Variants in CDT1 observed in about 807,000 individuals in gnomAD.
The protein encoded by CDT1 is chromatin licensing and DNA replication factor 1.
Under a neutral mutation model 49.3 loss-of-function variants are expected in CDT1, and 66 were observed. The ratio of observed to expected loss-of-function variants is 1.34; its 90% confidence interval spans 1.10 to 1.64. The LOEUF (loss-of-function observed/expected upper bound fraction) is 1.64. Among genes scored for constraint, CDT1 ranks in the 40% most tolerant of loss-of-function variants. CDT1 has a pLI of 0.00. For missense variants in CDT1, 958 were observed against 807.7 expected, an observed-to-expected ratio of 1.19 and a Z score of -2.26; for synonymous variants, 424 against 347.4, an observed-to-expected ratio of 1.22 and a Z score of -2.45.
rs1908965763 is a variant in CDT1, at chr16:88,808,628, GGTGGCAGGCC to G, written c.*351_*360del. On this transcript the variant is annotated 3_prime_UTR_variant, in exon 10 of 10. Coordinates refer to ENST00000301019, the MANE Select transcript of CDT1 (RefSeq NM_030928.4). ...TGGCAATATGGGGTTGGGTAGTGTG[GGTGGCAGGCC>G]ATCCCCTCTAATCTTGGAACCTCTG... 4 of 332,336 alleles carry G rather than the reference GGTGGCAGGCC, an allele frequency of 1.2e-5. No homozygotes were observed. The highest frequency in any genetic ancestry group is 4.5e-5 in the Admixed American group (1 of 21,988). 20.6% of individuals were successfully genotyped at this position (332,336 alleles called of 1,614,324 possible).
chr16:88,806,221 C>G, intron 6 of CDT1, 100 bp downstream of exon 6: 1 of 1,203,906 alleles, frequency 8.3e-7, no homozygotes, highest in East Asian at 2.5e-5. Context: ...ACAGCTTCTC[C>G]CGGGATGGAA....
In CDT1 at chr16:88,804,031, G is replaced by A. The variant is rs1433286943; in HGVS notation, c.200G>A (p.Arg67His). 4.1e-6 allele frequency: 6 copies of A among 1,456,032 alleles called. No individual in the cohort carries two copies. Among genetic ancestry groups the A allele is most frequent in the Middle Eastern group, 4.8e-4 (2 of 4,142 alleles). The allele number at this position is 1,456,032 out of a possible 1,614,324, so 90.2% of individuals were successfully genotyped here. The change falls in exon 1 of 10, where the codon CGC (arginine) becomes CAC (histidine). Residue 67 changes from arginine (R) to histidine (H), a missense_variant. Transcript: ENST00000301019. ...CGCGACCAGGCCAGGCCACCGGCCC[G>A]CAGGAGACTGCGGCTGTCGGTGGAC... ...PGRDQARPPA[R>H]RRLRLSVDEV...
chr16:88,806,202 C>G, intron 6 of CDT1, 81 bp downstream of exon 6: 1 of 1,268,236 alleles, frequency 7.9e-7, no homozygotes, highest in Non-Finnish European at 1.1e-6. Flanking sequence ...TGGAGCATCC[C>G]TGCCACTCAC....
Position 88,804,581 on chromosome 16 carries a change from C to G in CDT1, c.265C>G (p.Pro89Ala). The G allele has an allele frequency of 1.2e-6, 2 of 1,613,114 alleles. No individual in the cohort carries two copies. Among genetic ancestry groups the G allele is most frequent in the Non-Finnish European group, 1.7e-6 (2 of 1,179,922 alleles). Residue 89 changes from proline to alanine, a missense_variant, in exon 2 of 10, where the codon CCA becomes GCA. Coordinates refer to ENST00000301019, the MANE Select transcript of CDT1 (RefSeq NM_030928.4). ...CAGTACCCCCGAGGCCCCAGACATC[C>G]CAGCCTGCCCTTCTCCGGGCCAGAA... ...SPSTPEAPDI[P>A]ACPSPGQKIK... is the part of the protein sequence containing the mutation.
chr16:88,808,248 C>T lies in CDT1; in HGVS notation c.1611C>T (p.Ala537=). The part of the protein sequence containing the change: ...ADLAHITARL[A]HQTRAEEGL ...TCGCCCACATCACTGCACGCCTGGC[C>T]CACCAGACACGTGCTGAGGAGGGGC... Residue 537 remains alanine, a synonymous_variant, in exon 10 of 10, where the codon GCC becomes GCT. Transcript: ENST00000301019. 1.9e-6 allele frequency: 3 copies of T among 1,601,166 alleles called. No individual in the cohort carries two copies. Among genetic ancestry groups the T allele is most frequent in the Non-Finnish European group, 2.6e-6 (3 of 1,174,496 alleles).
At chr16:88,806,321 G>T in intron 6 of CDT1, 165 bp from the exon 7 acceptor site, 9 of 1,020,208 alleles carry the variant, frequency 8.8e-6, no homozygotes, top group Admixed American at 6.0e-5. Context: ...CAGCGAGCGC[G>T]GACCATGGGA....
chr16:88,804,509 T>TA (rs1323977133), intron 1 of CDT1, 36 bp from the exon 2 acceptor site: 3 of 1,604,816 alleles, frequency 1.9e-6, no homozygotes, highest in Non-Finnish European at 2.6e-6. Flanking sequence ...GCACCAGGTC[T>TA]TGTCATGAGT....
In CDT1 at chr16:88,807,104, C is replaced by A. The variant is rs143599393; in HGVS notation, c.1176C>A (p.Pro392=). The A allele has an allele frequency of 1.2e-6, 2 of 1,612,812 alleles. No individual in the cohort carries two copies. The highest frequency in any genetic ancestry group is 1.7e-6 in the Non-Finnish European group (2 of 1,179,956). The change falls in exon 8 of 10, where the codon CCC becomes CCA. Residue 392 remains proline (P), a synonymous_variant. Transcript: ENST00000301019. ...LALRSAAPSS[P]GSPRPALPAT... ...TGCGCTCTGCTGCGCCCAGCAGCCC[C>A]GGGTCTCCCAGGCCAGCACTGCCGG... is the stretch of plus-strand genomic sequence containing the variant.
chr16:88,806,662 G>C lies in CDT1; in HGVS notation c.1110G>C (p.Leu370=), dbSNP rs1309304016. ...AQEVLARARN[L]ISPRMEKALS... is the part of the protein sequence containing the mutation. The stretch of plus-strand genomic sequence containing the variant: ...AGGTGCTGGCCCGGGCCCGCAACCT[G>C]ATTTCACCCAGGGTGAGACTGCGAG... Residue 370 remains leucine (L), a synonymous_variant, in exon 7 of 10, where the codon CTG becomes CTC. Coordinates refer to ENST00000301019, the MANE Select transcript of CDT1 (RefSeq NM_030928.4). 2 of 1,608,378 alleles carry C rather than the reference G, an allele frequency of 1.2e-6. No individual in the cohort carries two copies. The highest frequency in any genetic ancestry group is 1.7e-5 in the Admixed American group (1 of 59,714).
intron 7 of CDT1, 23 bp from the exon 8 acceptor site, chr16:88,807,028 A>C: frequency 6.2e-7 from 1 of 1,612,734 alleles, no homozygotes; most frequent in South Asian, 1.1e-5. Flanking sequence ...TGACCTCTCC[A>C]GTCCAACCTG....
chr16:88,805,450 G>T lies in CDT1; in HGVS notation c.499G>T (p.Ala167Ser), dbSNP rs1908812514. The T allele has an allele frequency of 6.2e-7, 1 of 1,612,542 alleles. No homozygotes were observed. Among genetic ancestry groups the T allele is most frequent in the African/African-American group, 1.3e-5 (1 of 74,936 alleles). Residue 167 changes from alanine (A) to serine (S), a missense_variant, in exon 4 of 10, where the codon GCG (alanine) becomes TCG (serine). Ala to Ser is a moderately conservative substitution (Grantham distance 99). Transcript: ENST00000301019. ...CTCCCTCCCTGACAGTGGCGAGAAG[G>T]CGCCCGCCTACCAGCGCTTCCATGC... ...GRPEEPCGEK[A>S]PAYQRFHALA...
Position 88,805,867 on chromosome 16 carries a change from A to G in CDT1, c.830A>G (p.Gln277Arg), listed in dbSNP as rs1567501683. 1 of 1,612,964 alleles carries G rather than the reference A, an allele frequency of 6.2e-7. No homozygotes were observed. The highest frequency in any genetic ancestry group is 1.7e-5 in the Admixed American group (1 of 59,998). Residue 277 changes from glutamine (Q) to arginine (R), a missense_variant and splice_region_variant, in exon 5 of 10, where the codon CAG (glutamine) becomes CGG (arginine). Transcript: ENST00000301019. Reference sequence around the variant, plus strand: ...CTCACCATCGAGCCACTGCTGGAGCAGGGTGAGTGCTGGGTGCGGGACCTC... The same window carrying G: ...CTCACCATCGAGCCACTGCTGGAGCGGGGTGAGTGCTGGGTGCGGGACCTC... ...YQLTIEPLLE[Q>R]EADGAAPQLT...
intron 1 of CDT1, among the ~76,000 whole-genome samples, 180 bp downstream of exon 1, chr16:88,804,239 G>T (rs1670174338): frequency 6.6e-6 from 1 of 152,116 alleles, no homozygotes; most frequent in African/African-American, 2.4e-5. Context: ...CACCACTGGG[G>T]ACTTGGCTGG....
intron 7 of CDT1, 44 bp from the exon 8 acceptor site, chr16:88,807,007 G>A (rs748083564): frequency 3.7e-5 from 60 of 1,612,048 alleles, no homozygotes; most frequent in Non-Finnish European, 4.2e-5. Context: ...CCAGGGGCAC[G>A]TTGCATCTTG....
rs144721725 is a variant in CDT1 at position 88,808,183 on chromosome 16, C to T, written c.1546C>T (p.Arg516Cys). ...LPDWLSLHRI[R>C]TDTYVKLDKA... Reference sequence around the variant, plus strand: ...GGACTGGCTCAGCCTCCACCGCATCCGCACCGACACCTACGTCAAGCTGGA... The same window carrying T: ...GGACTGGCTCAGCCTCCACCGCATCTGCACCGACACCTACGTCAAGCTGGA... The change falls in exon 10 of 10, where the codon CGC becomes TGC. Residue 516 changes from arginine to cysteine, a missense_variant. Transcript: ENST00000301019. The T allele has an allele frequency of 2.6e-4, 424 of 1,612,856 alleles. 2 individuals carry two copies. In the African/African-American group the frequency reaches 4.7e-3, roughly 18 times the overall value.
Position 88,806,484 on chromosome 16 carries a change from A to G in CDT1, c.934-2A>G. 1 of 1,610,400 alleles carries G rather than the reference A, an allele frequency of 6.2e-7. No homozygotes were observed. The highest frequency in any genetic ancestry group is 8.5e-7 in the Non-Finnish European group (1 of 1,179,034). On this transcript the variant is annotated splice_acceptor_variant, in intron 6 of 9. Transcript: ENST00000301019. LOFTEE classifies it high-confidence loss of function. ...GGTCACCCATCTACTCCTTCTCCCC[A>G]GGCCTTCCTGGCCTCCCTGAGCCCC...
rs747955522 is a variant in CDT1 at position 88,803,877 on chromosome 16, G to A, written c.46G>A (p.Gly16Arg). ...CGACTTCTTCGCGCGCCGCCGCCCC[G>A]GGCCCCCCCGCATCGCGCCGCCCAA... is the stretch of plus-strand genomic sequence containing the variant. ...VTDFFARRRP[G>R]PPRIAPPKLA... The change falls in exon 1 of 10, where the codon GGG becomes AGG. Residue 16 changes from glycine (G) to arginine (R), a missense_variant. Physicochemically the swap from Gly to Arg is moderately radical, Grantham distance 125 (BLOSUM62 -2). Coordinates refer to ENST00000301019, the MANE Select transcript of CDT1 (RefSeq NM_030928.4). The A allele has an allele frequency of 1.8e-5, 26 of 1,475,662 alleles. No individual in the cohort carries two copies. The Admixed American group carries it at 4.2e-4, about 24-fold the overall frequency. 91.4% of individuals were successfully genotyped at this position (1,475,662 alleles called of 1,614,324 possible).
chr16:88,808,313 GA>G lies in CDT1; in HGVS notation c.*37del. The stretch of plus-strand genomic sequence containing the variant: ...CCACTGTGGACAGACGTGGGCTTCA[GA>G]AGCTCGCTGGCCTGGGCCCACCAGC... On this transcript the variant is annotated 3_prime_UTR_variant, in exon 10 of 10. Coordinates refer to ENST00000301019, the MANE Select transcript of CDT1 (RefSeq NM_030928.4). 1 of 1,550,322 alleles carries G rather than the reference GA, an allele frequency of 6.5e-7. No individual in the cohort carries two copies.
rs941632720 is a variant in CDT1 at position 88,808,274 on chromosome 16, T to C, written c.1637T>C (p.Leu546Pro). The change falls in exon 10 of 10, where the codon CTG becomes CCG. Residue 546 changes from leucine to proline, a missense_variant. Leu to Pro is a moderately conservative substitution (Grantham distance 98). Transcript: ENST00000301019. Reference sequence around the variant, plus strand: ...CACCAGACACGTGCTGAGGAGGGGCTGTGAGCCTGGGGGCCACTGTGGACA... The same window carrying C: ...CACCAGACACGTGCTGAGGAGGGGCCGTGAGCCTGGGGGCCACTGTGGACA... ...LAHQTRAEEG[L>P] 2 of 1,586,238 alleles carry C rather than the reference T, an allele frequency of 1.3e-6. No homozygotes were observed. Among genetic ancestry groups the C allele is most frequent in the African/African-American group, 1.3e-5 (1 of 74,452 alleles).
Sources: allele counts gnomAD v4.1 joint callset (sites outside exome capture counted in the v4.1 genomes callset), GRCh38; gene constraint gnomAD v4.1.1; transcripts MANE v1.5; gene names NCBI Gene and HGNC (gene_info 2026-07-23, HGNC 2026-07-21).